SLC9C1: variants seen among roughly 807,000 people sequenced by gnomAD.
The protein encoded by SLC9C1 is sodium/hydrogen exchanger 10.
Under a neutral mutation model 140.9 loss-of-function variants are expected in SLC9C1, and 97 were observed. That is an observed-to-expected ratio of 0.69 (90% CI 0.58 to 0.82). The LOEUF is 0.82. Among genes scored for constraint, SLC9C1 ranks in the 40% least tolerant of loss-of-function variants. The pLI, the probability that SLC9C1 is intolerant of heterozygous loss-of-function variation, is 0.00. For synonymous variants in SLC9C1, 440 were observed against 442.6 expected (o/e 0.99, Z 0.07); for missense variants, 1,340 against 1,389.3 (o/e 0.96, Z 0.56).
chr3:112,183,344 C>CT (rs1159788975), intron 20 of SLC9C1, among the ~76,000 whole-genome samples: 2 of 20,962 alleles, frequency 9.5e-5, no homozygotes, highest in Non-Finnish European at 8.1e-5. Context: ...TATTTAGCAC[C>CT]TTTTCTTTTT....
At chr3:112,237,029 T>G (rs960077393) in intron 12 of SLC9C1, among the ~76,000 whole-genome samples, 4 of 152,226 alleles carry the variant, frequency 2.6e-5, no homozygotes, top group African/African-American at 9.6e-5. Context: ...TTGTTAACTT[T>G]CTGTCTCATT....
intron 9 of SLC9C1, 94 bp from the exon 10 acceptor site, chr3:112,263,192 C>T (rs2079825849): frequency 9.4e-7 from 1 of 1,062,400 alleles, no homozygotes; most frequent in African/African-American, 1.6e-5. Context: ...CTGTAGAATT[C>T]CTAACTCTCA....
chr3:112,285,530 C>T (rs947163434), intron 2 of SLC9C1, among the ~76,000 whole-genome samples: 18 of 152,140 alleles, frequency 1.2e-4, no homozygotes, highest in African/African-American at 4.3e-4. Flanking sequence ...CATCAGGCAC[C>T]GTGCCCAGCC....
chr3:112,198,818 T>C (rs2077830587), intron 20 of SLC9C1, among the ~76,000 whole-genome samples: 1 of 151,032 alleles, frequency 6.6e-6, no homozygotes, highest in Admixed American at 6.6e-5. Context: ...AGGTTTATGC[T>C]TTTTTTTTCT....
At chr3:112,206,321 A>C (rs2078046651) in intron 16 of SLC9C1, among the ~76,000 whole-genome samples, 1 of 152,172 alleles carries the variant, frequency 6.6e-6, no homozygotes, top group Admixed American at 6.5e-5. Context: ...ACCAGTTAGA[A>C]TGGCCATCAT....
intron 20 of SLC9C1, among the ~76,000 whole-genome samples, chr3:112,194,226 G>T (rs535176116): frequency 4.9e-4 from 74 of 152,290 alleles, no homozygotes; most frequent in African/African-American, 1.7e-3. Flanking sequence ...AGGACTGCAG[G>T]TGCTTGTGGT....
intron 26 of SLC9C1, among the ~76,000 whole-genome samples, chr3:112,160,839 T>G (rs376535649): frequency 4.0e-5 from 6 of 150,886 alleles, no homozygotes; most frequent in African/African-American, 7.3e-5. Context: ...CCTGAGGAAT[T>G]GCCACACTGA....
rs567581631 is a variant in SLC9C1 at position 112,282,722 on chromosome 3, T to C, written c.89-1939A>G. Among the ~76,000 whole-genome samples the C allele has an allele frequency of 2.6e-4, 40 of 152,332 alleles. 1 individual carries two copies. Among genetic ancestry groups the C allele is most frequent in the African/African-American group, 7.9e-4 (33 of 41,580 alleles). ...TTCCAGAACTCTCAGTTCTTTCGGATGGACTAAATAGCTGGTATCATCCCT... is the reference window on the plus strand; with the variant it reads ...TTCCAGAACTCTCAGTTCTTTCGGACGGACTAAATAGCTGGTATCATCCCT... On this transcript the variant is annotated intron_variant, in intron 2 of 28. Transcript: ENST00000305815.
At chr3:112,175,095 CAAT>C (rs2077311249) in intron 23 of SLC9C1, among the ~76,000 whole-genome samples, 1 of 152,004 alleles carries the variant, frequency 6.6e-6, no homozygotes, top group South Asian at 2.1e-4. Flanking sequence ...GCTACTGGCT[CAAT>C]AGCCCTGACA....
intron 10 of SLC9C1, among the ~76,000 whole-genome samples, chr3:112,252,965 T>C (rs1302235444): frequency 6.6e-6 from 1 of 152,084 alleles, no homozygotes; most frequent in South Asian, 2.1e-4. Context: ...GGCCACCATT[T>C]TTCTGTTTCA....
At chr3:112,202,465 T>C in intron 17 of SLC9C1, 66 bp from the exon 18 acceptor site, 2 of 1,446,556 alleles carry the variant, frequency 1.4e-6, no homozygotes, top group Non-Finnish European at 1.9e-6. Context: ...TGTTGATTAG[T>C]TTAATCAAAA....
At chr3:112,208,478 A>G (rs2078116755) in intron 15 of SLC9C1, 105 bp from the exon 16 acceptor site, 1 of 742,086 alleles carries the variant, frequency 1.3e-6, no homozygotes. Context: ...AGCCTTCTTT[A>G]ATAATTCTGA....
In SLC9C1 at chr3:112,169,304, A is replaced by G. The variant is rs1490571633; in HGVS notation, c.2944T>C (p.Leu982=). ...VETCFIPKTH[L]YDAFEQCSPL... The stretch of plus-strand genomic sequence containing the variant: ...GAGCATTGCTCAAAAGCATCATACA[A>G]GTGAGTTTTGGGAATAAAACATGTC... Residue 982 remains leucine, a synonymous_variant, in exon 24 of 29, where the codon TTG becomes CTG. Coordinates refer to ENST00000305815, the MANE Select transcript of SLC9C1 (RefSeq NM_183061.3). The G allele has an allele frequency of 5.6e-6, 9 of 1,610,938 alleles. No homozygotes were observed. Among genetic ancestry groups the G allele is most frequent in the African/African-American group, 5.3e-5 (4 of 74,834 alleles).
At position 112,233,054 on chromosome 3, in the gene SLC9C1, T is replaced by C. The variant is rs866996600; in HGVS notation, c.1447-1568A>G. 5.0e-3 allele frequency among the ~76,000 whole-genome samples: 276 copies of C among 55,330 alleles called. 5 individuals are homozygous for C. The highest frequency in any genetic ancestry group is 0.048 in the East Asian group (64 of 1,346). The allele number at this position is 55,330 out of a possible 152,430, so 36.3% of individuals were successfully genotyped here. A position where few individuals can be genotyped will look rare whatever the true frequency, so the allele number is the denominator to read the frequency against. Reference sequence around the variant, plus strand: ...ACACACACACACACACACACACATATATATATATATATATTATATTTTTTT... The same window carrying C: ...ACACACACACACACACACACACATACATATATATATATATTATATTTTTTT... On this transcript the variant is annotated intron_variant, in intron 12 of 28. Coordinates refer to ENST00000305815, the MANE Select transcript of SLC9C1 (RefSeq NM_183061.3).
chr3:112,187,017 C>T (rs1041355441), intron 20 of SLC9C1, among the ~76,000 whole-genome samples: 1 of 152,016 alleles, frequency 6.6e-6, no homozygotes, highest in Non-Finnish European at 1.5e-5. Flanking sequence ...GTATATTGAC[C>T]CTGCTTTCTA....
chr3:112,213,883 AC>A (rs1395252408), intron 15 of SLC9C1, among the ~76,000 whole-genome samples: 1 of 152,212 alleles, frequency 6.6e-6, no homozygotes, highest in Non-Finnish European at 1.5e-5. Flanking sequence ...AGAACTCTCC[AC>A]CCCAAATCAA....
intron 20 of SLC9C1, 104 bp downstream of exon 20, chr3:112,199,217 C>T (rs1287075347): frequency 4.4e-6 from 4 of 909,322 alleles, no homozygotes; most frequent in African/African-American, 1.7e-5. Context: ...GTGAGATTTT[C>T]CTATCTTAGA....
Position 112,287,880 on chromosome 3 carries a change from A to T in SLC9C1, c.-87-1002T>A, listed in dbSNP as rs557983839. ...GGTATGGTGAAACCCGGTCTCTACT[A>T]AAAATACAAAAAATTAGCCGGGCAT... On this transcript the variant is annotated intron_variant, in intron 1 of 28. Transcript: ENST00000305815. 1.4e-4 allele frequency among the ~76,000 whole-genome samples: 22 copies of T among 152,098 alleles called. No individual in the cohort carries two copies. In the East Asian group the frequency reaches 4.3e-3, roughly 29 times the overall value.
At chr3:112,195,272 C>CCTAA (rs2077745459) in intron 20 of SLC9C1, among the ~76,000 whole-genome samples, 1 of 152,090 alleles carries the variant, frequency 6.6e-6, no homozygotes, top group Non-Finnish European at 1.5e-5. Context: ...ACATAAAGGT[C>CCTAA]ATGGGTCTAT....
Sources: gnomAD v4.1 joint callset for allele counts (sites outside exome capture counted in the v4.1 genomes callset) on GRCh38, gnomAD v4.1.1 for gene constraint, MANE v1.5 for transcripts, NCBI Gene and HGNC (gene_info 2026-07-23, HGNC 2026-07-21) for gene names.